Variants in ADAMTS15 observed in about 807,000 individuals in gnomAD.
The protein encoded by ADAMTS15 is ADAM metallopeptidase with thrombospondin type 1 motif 15, also known as A disintegrin and metalloproteinase with thrombospondin motifs 15.
Under a neutral mutation model 79.1 loss-of-function variants are expected in ADAMTS15, and 35 were observed. The observed-to-expected ratio is 0.44, with a 90% confidence interval of 0.34 to 0.59. The LOEUF is 0.59. Among genes scored for constraint, ADAMTS15 ranks in the 20% least tolerant of loss-of-function variants. ADAMTS15 has a pLI of 0.02. For synonymous variants in ADAMTS15, 616 were observed against 567.3 expected, an observed-to-expected ratio of 1.09 and a Z score of -1.22; for missense variants, 1,324 against 1,318.7, an observed-to-expected ratio of 1.00 and a Z score of -0.06.
At chr11:130,467,492 A>G (rs552982769) in intron 4 of ADAMTS15, among the ~76,000 whole-genome samples, 80 of 152,320 alleles carry the variant, frequency 5.3e-4, no homozygotes, top group African/African-American at 1.9e-3. Context: ...AAGCTATCTG[A>G]CAAAAGGGTA....
At position 130,466,603 on chromosome 11, in the gene ADAMTS15, C is replaced by T. The variant is rs767117728; in HGVS notation, c.1543-2659C>T. On this transcript the variant is annotated intron_variant, in intron 4 of 7. Coordinates refer to ENST00000299164, the MANE Select transcript of ADAMTS15 (RefSeq NM_139055.4). ...TCTGCTCTCACCCTGGTCCCAGCCA[C>T]CACCCCCTGTCCCCTGGATTAATGC... Among the ~76,000 whole-genome samples, 9 of 152,334 alleles carry T rather than the reference C, an allele frequency of 5.9e-5. No homozygotes were observed. The South Asian group carries it at 8.3e-4, about 14-fold the overall frequency.
At chr11:130,452,025 T>C (rs993443132) in intron 1 of ADAMTS15, among the ~76,000 whole-genome samples, 1 of 152,158 alleles carries the variant, frequency 6.6e-6, no homozygotes, top group Non-Finnish European at 1.5e-5. Context: ...TCAAGGTATG[T>C]ACTTTATGCT....
chr11:130,464,582 C>T (rs542048447), intron 4 of ADAMTS15, among the ~76,000 whole-genome samples: 1 of 152,312 alleles, frequency 6.6e-6, no homozygotes, highest in Non-Finnish European at 1.5e-5. Flanking sequence ...CAACAACCTT[C>T]CCATCATGCC....
At position 130,449,016 on chromosome 11, in the gene ADAMTS15, A is replaced by T; in HGVS notation, c.43A>T (p.Thr15Ser). ...CCTAACCCTGGCTTTCGCCGGGCGA[A>T]CCGCTGGAGGCTCTGAGCCAGAGCG... ...GILTLAFAGR[T>S]AGGSEPEREV... The change falls in exon 1 of 8, where the codon ACC (threonine) becomes TCC (serine). Residue 15 changes from threonine (T) to serine (S), a missense_variant. Thr to Ser is a moderately conservative substitution (Grantham distance 58, BLOSUM62 1). Coordinates refer to ENST00000299164, the MANE Select transcript of ADAMTS15 (RefSeq NM_139055.4). The surrounding 1 kb of genome is among the most constrained non-coding windows in gnomAD (Gnocchi z 7.8). The T allele has an allele frequency of 6.6e-7, 1 of 1,510,152 alleles. No individual in the cohort carries two copies. Among genetic ancestry groups the T allele is most frequent in the South Asian group, 1.4e-5 (1 of 72,666 alleles). The allele number at this position is 1,510,152 out of a possible 1,614,324, so 93.5% of individuals were successfully genotyped here. A position where few individuals can be genotyped will look rare whatever the true frequency, so the allele number is the denominator to read the frequency against.
chr11:130,456,099 C>T (rs1223447106), intron 1 of ADAMTS15, among the ~76,000 whole-genome samples: 2 of 152,250 alleles, frequency 1.3e-5, no homozygotes, highest in African/African-American at 2.4e-5. Context: ...AGTTACTTAC[C>T]TTCTCTGGGT....
Position 130,449,577 on chromosome 11 carries a change from C to A in ADAMTS15, c.604C>A (p.Arg202Ser). Residue 202 changes from arginine to serine, a missense_variant, in exon 1 of 8, where the codon CGT becomes AGT. By Grantham distance (110) the Arg-to-Ser change is moderately radical. Transcript: ENST00000299164. This position sits in a 1 kb window ranked among gnomAD's most constrained non-coding sequence, Gnocchi z 7.8. ...GCGGCGGGCGGGCTTCGGGGAGAGT[C>A]GTAGCCGGCGCAGGTCTGGGCGCGC... is the stretch of plus-strand genomic sequence containing the variant. ...KPRRAGFGES[R>S]SRRRSGRAKR... is the part of the protein sequence containing the mutation. The A allele has an allele frequency of 6.3e-7, 1 of 1,595,416 alleles. No individual in the cohort carries two copies. Among genetic ancestry groups the A allele is most frequent in the Non-Finnish European group, 8.5e-7 (1 of 1,170,720 alleles).
Position 130,449,610 on chromosome 11 carries a change from T to C in ADAMTS15, c.637T>C (p.Phe213Leu). ...SRRRSGRAKR[F>L]VSIPRYVETL... is the part of the protein sequence containing the mutation. The stretch of plus-strand genomic sequence containing the variant: ...GCGCAGGTCTGGGCGCGCCAAGCGT[T>C]TCGTGTCTATCCCGCGGTACGTGGA... Residue 213 changes from phenylalanine (F) to leucine (L), a missense_variant, in exon 1 of 8, where the codon TTC becomes CTC. Phe to Leu is a conservative substitution (Grantham distance 22). Coordinates refer to ENST00000299164, the MANE Select transcript of ADAMTS15 (RefSeq NM_139055.4). This position sits in a 1 kb window ranked among gnomAD's most constrained non-coding sequence, Gnocchi z 7.8. The C allele has an allele frequency of 6.2e-7, 1 of 1,605,738 alleles. No homozygotes were observed. Among genetic ancestry groups the C allele is most frequent in the Non-Finnish European group, 8.5e-7 (1 of 1,176,630 alleles).
In ADAMTS15 at chr11:130,449,806, G is replaced by A. The variant is rs1937925453; in HGVS notation, c.833G>A (p.Gly278Glu). ...KVLLLRDRDS[G>E]PKVTGNAALT... The stretch of plus-strand genomic sequence containing the variant: ...CTGCTTCTTAGAGATCGTGACTCCG[G>A]GCCCAAGGTCACCGGCAATGCGGCC... Residue 278 changes from glycine (G) to glutamate (E), a missense_variant, in exon 1 of 8, where the codon GGG becomes GAG. Physicochemically the swap from Gly to Glu is moderately conservative, Grantham distance 98. Coordinates refer to ENST00000299164, the MANE Select transcript of ADAMTS15 (RefSeq NM_139055.4). This position sits in a 1 kb window ranked among gnomAD's most constrained non-coding sequence, Gnocchi z 7.8. The A allele has an allele frequency of 1.2e-6, 2 of 1,611,400 alleles. No individual in the cohort carries two copies. Among genetic ancestry groups the A allele is most frequent in the Non-Finnish European group, 1.7e-6 (2 of 1,180,022 alleles).
At chr11:130,459,963 T>G (rs1312759006) in intron 1 of ADAMTS15, among the ~76,000 whole-genome samples, 2 of 152,238 alleles carry the variant, frequency 1.3e-5, no homozygotes, top group Non-Finnish European at 2.9e-5. Flanking sequence ...AGACACATGC[T>G]TCTTTGCCTG....
In ADAMTS15 at chr11:130,448,883, T is replaced by G. The variant is rs1017637200; in HGVS notation, c.-91T>G. The G allele has an allele frequency of 1.3e-5, 13 of 1,016,964 alleles. No homozygotes were observed. The African/African-American group carries it at 2.0e-4, about 16-fold the overall frequency. The allele number at this position is 1,016,964 out of a possible 1,614,324, so 63.0% of individuals were successfully genotyped here. A position where few individuals can be genotyped will look rare whatever the true frequency, so the allele number is the denominator to read the frequency against. ...CCGGCTGTCCCGTAGCGTTGGCGGT[T>G]CCAGAGTGCGGGCTGCACGGAGACC... is the stretch of plus-strand genomic sequence containing the variant. On this transcript the variant is annotated 5_prime_UTR_variant, in exon 1 of 8. Coordinates refer to ENST00000299164, the MANE Select transcript of ADAMTS15 (RefSeq NM_139055.4).
chr11:130,449,165 T>C lies in ADAMTS15; in HGVS notation c.192T>C (p.Phe64=). The change falls in exon 1 of 8, where the codon TTT becomes TTC. Residue 64 remains phenylalanine, a synonymous_variant. Coordinates refer to ENST00000299164, the MANE Select transcript of ADAMTS15 (RefSeq NM_139055.4). The surrounding 1 kb of genome is among the most constrained non-coding windows in gnomAD (Gnocchi z 7.8). ...IFQITAFQED[F]YLHLTPDAQF... Reference sequence around the variant, plus strand: ...AGATCACAGCATTTCAGGAGGACTTTTACCTACACCTGACGCCGGATGCTC... The same window carrying C: ...AGATCACAGCATTTCAGGAGGACTTCTACCTACACCTGACGCCGGATGCTC... 1 of 1,609,720 alleles carries C rather than the reference T, an allele frequency of 6.2e-7. No individual in the cohort carries two copies. Among genetic ancestry groups the C allele is most frequent in the South Asian group, 1.1e-5 (1 of 90,928 alleles).
Position 130,473,663 on chromosome 11 carries a change from C to T in ADAMTS15, c.2695C>T (p.Leu899Phe), listed in dbSNP as rs375061494. Residue 899 changes from leucine (L) to phenylalanine (F), a missense_variant, in exon 8 of 8, where the codon CTC (leucine) becomes TTC (phenylalanine). Coordinates refer to ENST00000299164, the MANE Select transcript of ADAMTS15 (RefSeq NM_139055.4). ...CGGGGAGCCCTGCCCCACCTGGGAG[C>T]TCAGCGCCTGGTCACCCTGCTCCAA... ...ACGEPCPTWE[L>F]SAWSPCSKSC... The T allele has an allele frequency of 6.2e-7, 1 of 1,605,962 alleles. No homozygotes were observed. The highest frequency in any genetic ancestry group is 8.5e-7 in the Non-Finnish European group (1 of 1,179,894).
chr11:130,470,152 GTGTATATATATATATATATA>G (rs1938400802), intron 5 of ADAMTS15, among the ~76,000 whole-genome samples: 4 of 73,758 alleles, frequency 5.4e-5, no homozygotes, highest in Admixed American at 1.8e-4. Flanking sequence ...ATATATATAT[GTGTATATATATATATATATA>G]TATATATATG....
In ADAMTS15 at chr11:130,473,746, G is replaced by T; in HGVS notation, c.2778G>T (p.Arg926=). ...TCAAGTGTGTGGGCCACGGAGGCCG[G>T]CTGCTGGCCCGGGACCAGTGCAACT... ...RSLKCVGHGG[R]LLARDQCNLH... Residue 926 remains arginine (R), a synonymous_variant, in exon 8 of 8, where the codon CGG becomes CGT. Coordinates refer to ENST00000299164, the MANE Select transcript of ADAMTS15 (RefSeq NM_139055.4). The T allele has an allele frequency of 6.3e-7, 1 of 1,599,522 alleles. No homozygotes were observed. Among genetic ancestry groups the T allele is most frequent in the Non-Finnish European group, 8.5e-7 (1 of 1,179,880 alleles).
Position 130,473,651 on chromosome 11 carries a change from C to T in ADAMTS15, c.2683C>T (p.Pro895Ser). 1 of 1,607,254 alleles carries T rather than the reference C, an allele frequency of 6.2e-7. No individual in the cohort carries two copies. The highest frequency in any genetic ancestry group is 8.5e-7 in the Non-Finnish European group (1 of 1,179,872). The stretch of plus-strand genomic sequence containing the variant: ...GACACAAGCCTGCGGGGAGCCCTGC[C>T]CCACCTGGGAGCTCAGCGCCTGGTC... ...VETQACGEPC[P>S]TWELSAWSPC... Residue 895 changes from proline to serine, a missense_variant, in exon 8 of 8, where the codon CCC becomes TCC. By Grantham distance (74) the Pro-to-Ser change is moderately conservative (BLOSUM62 -1). Coordinates refer to ENST00000299164, the MANE Select transcript of ADAMTS15 (RefSeq NM_139055.4).
intron 1 of ADAMTS15, among the ~76,000 whole-genome samples, chr11:130,457,925 C>T (rs765116174): frequency 5.3e-5 from 8 of 152,212 alleles, no homozygotes; most frequent in Non-Finnish European, 8.8e-5. Context: ...TACTGCAAGA[C>T]GGCTGCTTCC....
Position 130,473,697 on chromosome 11 carries a change from G to A in ADAMTS15, c.2729G>A (p.Gly910Asp). 1 of 1,602,044 alleles carries A rather than the reference G, an allele frequency of 6.2e-7. No homozygotes were observed. The highest frequency in any genetic ancestry group is 8.5e-7 in the Non-Finnish European group (1 of 1,179,882). The change falls in exon 8 of 8, where the codon GGC becomes GAC. Residue 910 changes from glycine (G) to aspartate (D), a missense_variant. Transcript: ENST00000299164. Reference protein sequence around the residue: ...SAWSPCSKSCGRGFQRRSLKC... With the variant: ...SAWSPCSKSCDRGFQRRSLKC... ...TGGTCACCCTGCTCCAAGAGCTGCG[G>A]CCGGGGATTTCAGAGGCGCTCACTC...
At position 130,475,613 on chromosome 11, in the gene ADAMTS15, C is replaced by G. The variant is rs572203754; in HGVS notation, c.*1792C>G. 6.6e-6 allele frequency: 1 copy of G among 152,248 alleles called. No homozygotes were observed. Among genetic ancestry groups the G allele is most frequent in the African/African-American group, 2.4e-5 (1 of 41,424 alleles). 9.4% of individuals were successfully genotyped at this position (152,248 alleles called of 1,614,324 possible). On this transcript the variant is annotated 3_prime_UTR_variant, in exon 8 of 8. Transcript: ENST00000299164. The stretch of plus-strand genomic sequence containing the variant: ...AAGCCTCTGCGATGATGTTCTCATC[C>G]GGTCTAACGCTGGGCTGGAAACCTT...
At chr11:130,451,279 T>C (rs1158409257) in intron 1 of ADAMTS15, among the ~76,000 whole-genome samples, 1 of 152,170 alleles carries the variant, frequency 6.6e-6, no homozygotes, top group Admixed American at 6.5e-5. Context: ...TCACTCAAAG[T>C]TGGACTGGCG....
Sources: gnomAD v4.1 joint callset for allele counts (sites outside exome capture counted in the v4.1 genomes callset) on GRCh38, gnomAD v4.1.1 for gene constraint, Gnocchi (gnomAD v3.1) non-coding constraint, MANE v1.5 for transcripts, NCBI Gene and HGNC (gene_info 2026-07-23, HGNC 2026-07-21) for gene names.